The following ERC1 variants were observed in gnomAD, a reference collection of about 807,000 sequenced individuals.
ERC1 encodes the protein RAB6 interacting protein 2.
A neutral mutation model predicts 132.0 loss-of-function variants in ERC1; 56 were observed. The observed-to-expected ratio is 0.42, with a 90% CI of 0.34 to 0.53. ERC1 has a LOEUF of 0.53. ERC1 is among the 20% of genes least tolerant of loss of function. ERC1 has a pLI of 0.03. For missense variants in ERC1, 1,202 were observed against 1,349.9 expected, an observed-to-expected ratio of 0.89 and a Z score of 1.72; for synonymous variants, 478 against 476.1, an observed-to-expected ratio of 1.00 and a Z score of -0.05.
chr12:1,289,086 C>T lies in ERC1; in HGVS notation c.2620-766C>T, dbSNP rs7311311. On this transcript the variant is annotated intron_variant, in intron 14 of 18. Transcript: ENST00000360905. The stretch of plus-strand genomic sequence containing the variant: ...CTGTCTCCTTTCTATCTGGTATGTA[C>T]ACACACACACACACACACACACACA... 5.1e-3 allele frequency among the ~76,000 whole-genome samples: 166 copies of T among 32,326 alleles called. 1 individual carries two copies. Among genetic ancestry groups the T allele is most frequent in the African/African-American group, 0.031 (157 of 5,042 alleles). The allele number at this position is 32,326 out of a possible 152,430, so 21.2% of individuals were successfully genotyped here.
intron 17 of ERC1, among the ~76,000 whole-genome samples, chr12:1,438,828 A>G (rs1210150693): frequency 6.6e-6 from 1 of 152,020 alleles, no homozygotes; most frequent in East Asian, 1.9e-4. Flanking sequence ...CTATAGTCCC[A>G]GCTACTTTGG....
At chr12:1,268,655 A>G (rs111417773) in intron 14 of ERC1, among the ~76,000 whole-genome samples, 31 of 152,298 alleles carry the variant, frequency 2.0e-4, no homozygotes, top group African/African-American at 5.1e-4. Context: ...AGTCACAGCT[A>G]CTCGGGAGGC....
chr12:1,190,123 A>T, intron 12 of ERC1, 71 bp downstream of exon 12: 1 of 1,327,578 alleles, frequency 7.5e-7, no homozygotes, highest in Non-Finnish European at 1.1e-6. Flanking sequence ...TTGGGGACAT[A>T]CTTTTTCAGT....
intron 15 of ERC1, among the ~76,000 whole-genome samples, chr12:1,345,184 C>CTTATTTT (rs1459899471): frequency 1.0e-5 from 1 of 99,622 alleles, no homozygotes; most frequent in African/African-American, 4.4e-5. Flanking sequence ...TAGAATATTT[C>CTTATTTT]TTCTTTTTTT....
At chr12:1,393,572 A>C (rs1566755308) in intron 16 of ERC1, among the ~76,000 whole-genome samples, 1 of 149,312 alleles carries the variant, frequency 6.7e-6, no homozygotes, top group Non-Finnish European at 1.5e-5. Context: ...TTGTGATCTA[A>C]AGTTCTTTTT....
At chr12:1,012,084 T>G (rs1964771693) in intron 1 of ERC1, among the ~76,000 whole-genome samples, 1 of 152,256 alleles carries the variant, frequency 6.6e-6, no homozygotes. Flanking sequence ...AAGTGAGTAC[T>G]AATAAAGCTG....
chr12:1,385,575 G>C (rs1195691833), intron 16 of ERC1, among the ~76,000 whole-genome samples: 1 of 152,166 alleles, frequency 6.6e-6, no homozygotes, highest in East Asian at 1.9e-4. Flanking sequence ...GTGAGCCACC[G>C]CGCCCGGCCC....
chr12:1,365,648 G>A (rs1412934898), intron 15 of ERC1, among the ~76,000 whole-genome samples: 1 of 152,252 alleles, frequency 6.6e-6, no homozygotes, highest in East Asian at 1.9e-4. Flanking sequence ...AGTAACTGCA[G>A]CCCTAAATAA....
In ERC1 at chr12:1,494,267, A is replaced by C. The variant is rs2094343065; in HGVS notation, c.*4037A>C. The C allele has an allele frequency of 4.3e-6, 1 of 232,094 alleles. No individual in the cohort carries two copies. The highest frequency in any genetic ancestry group is 1.8e-4 in the South Asian group (1 of 5,528). 14.4% of individuals were successfully genotyped at this position (232,094 alleles called of 1,614,324 possible). A position where few individuals can be genotyped will look rare whatever the true frequency, so the allele number is the denominator to read the frequency against. On this transcript the variant is annotated 3_prime_UTR_variant, in exon 19 of 19. Transcript: ENST00000360905. ...GCAATGCAGCAGGCACCCTCTGCAGAGTGAGGCCGCCCGTCCATCACTGCC... is the reference window on the plus strand; with the variant it reads ...GCAATGCAGCAGGCACCCTCTGCAGCGTGAGGCCGCCCGTCCATCACTGCC...
intron 16 of ERC1, among the ~76,000 whole-genome samples, chr12:1,395,890 G>A (rs73026449): frequency 0.031 from 4,667 of 151,116 alleles, 81 homozygotes; most frequent in Middle Eastern, 0.075. Context: ...ATGGTGATGT[G>A]CCCAAGAATA....
At chr12:1,426,549 C>G (rs778778956) in intron 17 of ERC1, among the ~76,000 whole-genome samples, 5 of 152,132 alleles carry the variant, frequency 3.3e-5, no homozygotes, top group Non-Finnish European at 5.9e-5. Flanking sequence ...AACTCAATTA[C>G]TTTTGAATAA....
At chr12:1,076,156 T>C (rs1350381908) in intron 2 of ERC1, among the ~76,000 whole-genome samples, 1 of 152,214 alleles carries the variant, frequency 6.6e-6, no homozygotes, top group Non-Finnish European at 1.5e-5. Context: ...ATTTGTGAGC[T>C]TTATTTTTGG....
intron 14 of ERC1, among the ~76,000 whole-genome samples, chr12:1,288,613 A>G (rs1216907721): frequency 6.6e-6 from 1 of 152,248 alleles, no homozygotes; most frequent in Admixed American, 6.5e-5. Context: ...TCCAAGGGTC[A>G]GTGAAACAAC....
chr12:1,318,033 A>T (rs2081888094), intron 15 of ERC1, among the ~76,000 whole-genome samples: 1 of 152,232 alleles, frequency 6.6e-6, no homozygotes, highest in African/African-American at 2.4e-5. Context: ...AATAACTAAA[A>T]ATTTACAAAT....
chr12:1,099,597 A>G (rs1220266577), intron 3 of ERC1, among the ~76,000 whole-genome samples: 1 of 152,182 alleles, frequency 6.6e-6, no homozygotes, highest in African/African-American at 2.4e-5. Context: ...CTTAAAAAGT[A>G]TTTTCATTCA....
intron 8 of ERC1, among the ~76,000 whole-genome samples, chr12:1,155,934 A>G (rs1202188488): frequency 6.6e-6 from 1 of 151,998 alleles, no homozygotes; most frequent in Non-Finnish European, 1.5e-5. Flanking sequence ...TCCTTCTCCC[A>G]TCCTTTGCTC....
At chr12:1,044,904 T>C (rs1187053240) in intron 2 of ERC1, among the ~76,000 whole-genome samples, 2 of 152,158 alleles carry the variant, frequency 1.3e-5, no homozygotes, top group African/African-American at 2.4e-5. Flanking sequence ...ATTTCCACAA[T>C]GACTCATCCA....
rs377766430 is a variant in ERC1 at position 1,215,060 on chromosome 12, A to G, written c.2352-21709A>G. Among the ~76,000 whole-genome samples the G allele has an allele frequency of 3.2e-4, 49 of 152,268 alleles. No homozygotes were observed. In the South Asian group the frequency reaches 9.3e-3, roughly 29 times the overall value. On this transcript the variant is annotated intron_variant, in intron 12 of 18. Coordinates refer to ENST00000360905, the MANE Select transcript of ERC1 (RefSeq NM_178040.4). ...TACCATGTTAATTTTATGATTTTGT[A>G]TTTTCATTTCAATGACAATAAAAAA...
chr12:1,161,968 A>C (rs1184871424), intron 8 of ERC1, among the ~76,000 whole-genome samples: 2 of 150,430 alleles, frequency 1.3e-5, no homozygotes, highest in African/African-American at 4.8e-5. Flanking sequence ...ATATACTTAA[A>C]AGAAATTTTT....
Sources: gnomAD v4.1 joint callset for allele counts (sites outside exome capture counted in the v4.1 genomes callset) on GRCh38, gnomAD v4.1.1 for gene constraint, MANE v1.5 for transcripts, NCBI Gene and HGNC (gene_info 2026-07-23, HGNC 2026-07-21) for gene names.